Variants in E4F1 observed in about 807,000 individuals in gnomAD.
The protein encoded by E4F1 is E4F transcription factor 1.
E4F1 carries 30 observed loss-of-function variants against 72.9 expected under a neutral mutation model. The ratio of observed to expected loss-of-function variants is 0.41; its 90% CI spans 0.31 to 0.56. The LOEUF is 0.56. E4F1 is among the 20% of genes least tolerant of loss of function. The probability of loss-of-function intolerance (pLI) is 0.25; values close to 1 mark genes in which losing one functional copy is unlikely to be tolerated. For missense variants in E4F1, 1,091 were observed against 1,117.5 expected (o/e 0.98, Z 0.34); for synonymous variants, 542 against 478.2 (o/e 1.13, Z -1.74).
intron 1 of E4F1, among the ~76,000 whole-genome samples, chr16:2,225,167 C>T (rs556531199): frequency 6.6e-5 from 10 of 152,116 alleles, no homozygotes; most frequent in African/African-American, 2.2e-4. Flanking sequence ...AAGCCGAGAT[C>T]GCACCACTGC....
In E4F1 at chr16:2,233,011, G is replaced by T. The variant is rs372248982; in HGVS notation, c.884G>T (p.Gly295Val). The change falls in exon 7 of 14, where the codon GGT becomes GTT. Residue 295 changes from glycine to valine, a missense_variant and splice_region_variant. Physicochemically the swap from Gly to Val is moderately radical, Grantham distance 109. Around this residue, in one of 5 missense-constraint regions of E4F1, gnomAD observed 101 missense variants for 97.4 expected, o/e 1.04. Transcript: ENST00000301727. Reference sequence around the variant, plus strand: ...TTCACTCCCTCACTCCACCTTGAAGGTTCTGGAGCTGGAGCTGCCGGCTTG... The same window carrying T: ...TTCACTCCCTCACTCCACCTTGAAGTTTCTGGAGCTGGAGCTGCCGGCTTG... The part of the protein sequence containing the change: ...VVVSKEDARA[G>V]SGAGAAGLGT... 6.2e-7 allele frequency: 1 copy of T among 1,608,312 alleles called. No homozygotes were observed. The highest frequency in any genetic ancestry group is 8.5e-7 in the Non-Finnish European group (1 of 1,176,074).
chr16:2,233,393 ATGCCAGGC>A, intron 7 of E4F1, 37 bp from the exon 8 acceptor site: 1 of 1,485,870 alleles, frequency 6.7e-7, no homozygotes, highest in Non-Finnish European at 8.9e-7. Flanking sequence ...TGGGTGCTGG[ATGCCAGGC>A]TGCCTGGCCA....
At chr16:2,226,304 G>A (rs2093432496) in intron 1 of E4F1, among the ~76,000 whole-genome samples, 1 of 152,200 alleles carries the variant, frequency 6.6e-6, no homozygotes, top group South Asian at 2.1e-4. Flanking sequence ...CTTGTCTGGT[G>A]TGAAATGGGC....
chr16:2,228,661 G>C, intron 2 of E4F1, 138 bp downstream of exon 2: 1 of 1,144,230 alleles, frequency 8.7e-7, no homozygotes, highest in East Asian at 2.6e-5. Flanking sequence ...TGGCTGCGGT[G>C]TGGGAGGGTC....
Position 2,232,379 on chromosome 16 carries a change from G to A in E4F1, c.609+15G>A, listed in dbSNP as rs779527527. On this transcript the variant is annotated intron_variant, in intron 4 of 13. Coordinates refer to ENST00000301727, the MANE Select transcript of E4F1 (RefSeq NM_004424.5). Reference sequence around the variant, plus strand: ...CCTTCAAGACGGTGAGCCGGCGTGCGGGGAGCCAGTGTGTGGGTGGCAGGC... The same window carrying A: ...CCTTCAAGACGGTGAGCCGGCGTGCAGGGAGCCAGTGTGTGGGTGGCAGGC... The A allele has an allele frequency of 8.7e-6, 14 of 1,600,842 alleles. No individual in the cohort carries two copies. Among genetic ancestry groups the A allele is most frequent in the African/African-American group, 2.7e-5 (2 of 74,676 alleles).
intron 1 of E4F1, among the ~76,000 whole-genome samples, chr16:2,225,597 C>G (rs1455815252): frequency 2.0e-5 from 3 of 151,570 alleles, no homozygotes; most frequent in African/African-American, 7.3e-5. Context: ...ACTCGGCCTC[C>G]TGAGTAGCTG....
intron 1 of E4F1, among the ~76,000 whole-genome samples, chr16:2,224,140 T>TAGG (rs1205073561): frequency 6.6e-6 from 1 of 152,218 alleles, no homozygotes; most frequent in Admixed American, 6.5e-5. Flanking sequence ...GATGGGCGTC[T>TAGG]AGGGCCCTGT....
chr16:2,232,408 C>G, intron 4 of E4F1, 44 bp downstream of exon 4: 1 of 1,602,914 alleles, frequency 6.2e-7, no homozygotes, highest in Non-Finnish European at 8.5e-7. Context: ...GGCAGGCCCC[C>G]TCCTGTTCCC....
In E4F1 at chr16:2,235,203, C is replaced by A; in HGVS notation, c.1999-13C>A. On this transcript the variant is annotated splice_polypyrimidine_tract_variant and intron_variant, in intron 13 of 13. Coordinates refer to ENST00000301727, the MANE Select transcript of E4F1 (RefSeq NM_004424.5). ...CCTGGCACAGCCGCTCTTGCTGAGC[C>A]GTGGCCCTGCAGGTGGACAGCCACA... 1.2e-6 allele frequency: 2 copies of A among 1,609,262 alleles called. No individual in the cohort carries two copies. The highest frequency in any genetic ancestry group is 1.7e-6 in the Non-Finnish European group (2 of 1,178,648).
At position 2,233,092 on chromosome 16, in the gene E4F1, A is replaced by G. The variant is rs919031007; in HGVS notation, c.965A>G (p.His322Arg). 3 of 1,612,650 alleles carry G rather than the reference A, an allele frequency of 1.9e-6. No individual in the cohort carries two copies. In the African/African-American group the frequency reaches 4.0e-5, roughly 21 times the overall value. The change falls in exon 7 of 14, where the codon CAC (histidine) becomes CGC (arginine). Residue 322 changes from histidine (H) to arginine (R), a missense_variant. Physicochemically the swap from His to Arg is conservative, Grantham distance 29. Transcript: ENST00000301727. The part of the protein sequence containing the change: ...GEPIETSPVI[H>R]LVTDAKGTVI... ...CCTATAGAGACTTCACCCGTGATTC[A>G]CCTGGTGACAGATGCCAAGGGCACC... is the stretch of plus-strand genomic sequence containing the variant.
At chr16:2,228,217 T>A in intron 1 of E4F1, 155 bp from the exon 2 acceptor site, 1 of 1,006,198 alleles carries the variant, frequency 9.9e-7, no homozygotes, top group Non-Finnish European at 1.5e-6. Flanking sequence ...GACCTTGTTT[T>A]GGGCCCGAGT....
In E4F1 at chr16:2,232,820, G is replaced by A; in HGVS notation, c.795G>A (p.Arg265=). Residue 265 remains arginine, a synonymous_variant, in exon 6 of 14, where the codon CGG becomes CGA. Transcript: ENST00000301727. ...TCCGGGAGTCGGGTGCACTGACCCG[G>A]CACCTCAAGTCTCTCACCCCCTGCA... ...KSFRESGALT[R]HLKSLTPCTE... 1.2e-6 allele frequency: 2 copies of A among 1,613,456 alleles called. No individual in the cohort carries two copies. The highest frequency in any genetic ancestry group is 8.5e-7 in the Non-Finnish European group (1 of 1,180,006).
At position 2,235,354 on chromosome 16, in the gene E4F1, A is replaced by G. The variant is rs770709408; in HGVS notation, c.2137A>G (p.Ile713Val). ...PEAAAADTIT[I>V]ATPESLTEQV... ...GGCGGCTGCCGCCGACACCATCACCATCGCCACCCCCGAGAGCCTGACAGA... is the reference window on the plus strand; with the variant it reads ...GGCGGCTGCCGCCGACACCATCACCGTCGCCACCCCCGAGAGCCTGACAGA... The change falls in exon 14 of 14, where the codon ATC becomes GTC. Residue 713 changes from isoleucine to valine, a missense_variant. Ile to Val is a conservative substitution (Grantham distance 29). Around this residue, in one of 5 missense-constraint regions of E4F1, gnomAD observed 622 missense variants for 628.0 expected, o/e 0.99. Transcript: ENST00000301727. 19 of 1,610,168 alleles carry G rather than the reference A, an allele frequency of 1.2e-5. No homozygotes were observed. The highest frequency in any genetic ancestry group is 1.6e-5 in the Non-Finnish European group (19 of 1,179,912).
intron 1 of E4F1, 175 bp downstream of exon 1, chr16:2,223,945 C>T: frequency 1.3e-6 from 2 of 1,527,290 alleles, no homozygotes; most frequent in South Asian, 1.2e-5. Flanking sequence ...CTGCGACCCT[C>T]ACGGGCCTCT....
Position 2,231,743 on chromosome 16 carries a change from A to G in E4F1, c.416-428A>G, listed in dbSNP as rs185622017. On this transcript the variant is annotated intron_variant, in intron 3 of 13. Transcript: ENST00000301727. ...GCAGTGGCCCAGCCCATCTCCTCCG[A>G]TGGAAGAGTGGCCCCGGACGCACAT... is the stretch of plus-strand genomic sequence containing the variant. 437 of 172,644 alleles carry G rather than the reference A, an allele frequency of 2.5e-3. 5 individuals are homozygous for G. Among genetic ancestry groups the G allele is most frequent in the African/African-American group, 1.0e-2 (417 of 41,740 alleles). 10.7% of individuals were successfully genotyped at this position (172,644 alleles called of 1,614,324 possible). A position where few individuals can be genotyped will look rare whatever the true frequency, so the allele number is the denominator to read the frequency against.
rs1033457401 is a variant in E4F1 at position 2,233,500 on chromosome 16, G to A, written c.1119G>A (p.Gln373=). ...GCAGCCGTGAGAACCTGCTGCACCA[G>A]GCCATGCAGAACTCCGGCATCGTCC... ...SEGSRENLLH[Q]AMQNSGIVLE... The change falls in exon 8 of 14, where the codon CAG becomes CAA. Residue 373 remains glutamine, a synonymous_variant. Transcript: ENST00000301727. 11 of 1,513,170 alleles carry A rather than the reference G, an allele frequency of 7.3e-6. No homozygotes were observed. In the Admixed American group the frequency reaches 1.3e-4, roughly 18 times the overall value. The allele number at this position is 1,513,170 out of a possible 1,614,324, so 93.7% of individuals were successfully genotyped here.
chr16:2,229,286 C>G (rs2093451468), intron 2 of E4F1, among the ~76,000 whole-genome samples: 1 of 152,260 alleles, frequency 6.6e-6, no homozygotes, highest in Non-Finnish European at 1.5e-5. Context: ...AGTTGCTGCT[C>G]CCTCCCTGCA....
intron 1 of E4F1, among the ~76,000 whole-genome samples, chr16:2,224,950 C>G (rs1311312392): frequency 6.6e-6 from 1 of 152,026 alleles, no homozygotes; most frequent in South Asian, 2.1e-4. Flanking sequence ...CAGTGGCTCA[C>G]GCCTGTAATC....
intron 1 of E4F1, chr16:2,223,999 A>T: frequency 6.8e-7 from 1 of 1,463,076 alleles, no homozygotes; most frequent in South Asian, 1.3e-5. Context: ...GTGCGTCCAC[A>T]AGTGCTCGCG....
Sources: gnomAD v4.1 joint callset for allele counts (sites outside exome capture counted in the v4.1 genomes callset) on GRCh38, gnomAD v4.1.1 for gene constraint, gnomAD v4.1.1 regional missense constraint, MANE v1.5 for transcripts, NCBI Gene and HGNC (gene_info 2026-07-23, HGNC 2026-07-21) for gene names.